Variants in TMEM164 observed in about 807,000 individuals in gnomAD.
The protein encoded by TMEM164 is RP13-360B22.2.
Under a neutral mutation model 18.8 loss-of-function variants are expected in TMEM164, and 4 were observed. The ratio of observed to expected loss-of-function variants is 0.21; its 90% CI spans 0.10 to 0.49. TMEM164 has a LOEUF of 0.49. Among genes scored for constraint, TMEM164 ranks in the 20% least tolerant of loss-of-function variants. The pLI is 0.98. For missense variants in TMEM164, 108 were observed against 239.9 expected (o/e 0.45, Z 3.63); for synonymous variants, 86 against 101.7 (o/e 0.85, Z 0.93).
intron 2 of TMEM164, among the ~76,000 whole-genome samples, chrX:110,033,513 G>A (rs1934614757): frequency 8.9e-6 from 1 of 112,025 alleles, no homozygotes; most frequent in African/African-American, 3.3e-5. Context: ...CTGGTTATTT[G>A]TAGTTCCCCT....
intron 2 of TMEM164, among the ~76,000 whole-genome samples, chrX:110,019,624 T>C (rs1461719538): frequency 1.8e-5 from 2 of 112,238 alleles, no homozygotes; most frequent in Non-Finnish European, 3.8e-5. Flanking sequence ...AACACATAGA[T>C]GCATACACTT....
At chrX:110,091,955 T>G (rs934868818) in intron 3 of TMEM164, among the ~76,000 whole-genome samples, 3 of 112,358 alleles carry the variant, frequency 2.7e-5, no homozygotes, top group African/African-American at 9.7e-5. Context: ...GCACCATTTA[T>G]TAAATAGGTA....
chrX:110,019,200 G>A (rs1187445935), intron 2 of TMEM164, among the ~76,000 whole-genome samples: 3 of 111,265 alleles, frequency 2.7e-5, no homozygotes, highest in African/African-American at 6.5e-5. Flanking sequence ...TGTTCCTTCA[G>A]TACTCTTATC....
chrX:110,055,375 A>G (rs1569309271), intron 2 of TMEM164: 1 of 367,319 alleles, frequency 2.7e-6, no homozygotes, highest in Non-Finnish European at 5.5e-6. Context: ...TGCCATTCAC[A>G]TAGACTATAA....
At chrX:110,150,582 A>G (rs890588958) in intron 5 of TMEM164, among the ~76,000 whole-genome samples, 5 of 112,649 alleles carry the variant, frequency 4.4e-5, no homozygotes, top group African/African-American at 1.3e-4. Context: ...CCCTCCATCC[A>G]TATAGTTCCC....
At position 110,153,175 on chromosome X, in the gene TMEM164, C is replaced by T. The variant is rs776317148; in HGVS notation, c.586+8299C>T. On this transcript the variant is annotated intron_variant, in intron 5 of 6. Coordinates refer to ENST00000372068, the MANE Select transcript of TMEM164 (RefSeq NM_032227.4). ...GTAGTTACTTTCTCCAAGAAGCCCT[C>T]TGTAACTATTCTACCCCAGCTCCCG... is the stretch of plus-strand genomic sequence containing the variant. Among the ~76,000 whole-genome samples, 3 of 112,098 alleles carry T rather than the reference C, an allele frequency of 2.7e-5. No individual in the cohort carries two copies. The East Asian group carries it at 8.4e-4, about 31-fold the overall frequency.
At chrX:110,107,154 C>A (rs2066216066) in intron 3 of TMEM164, among the ~76,000 whole-genome samples, 1 of 111,871 alleles carries the variant, frequency 8.9e-6, no homozygotes, top group African/African-American at 3.3e-5. Context: ...AACATTCTAA[C>A]CTTCCACCTG....
intron 4 of TMEM164, among the ~76,000 whole-genome samples, chrX:110,135,898 G>A (rs958965184): frequency 5.4e-5 from 6 of 111,415 alleles, no homozygotes; most frequent in Non-Finnish European, 1.1e-4. Context: ...ACATTCTCTC[G>A]TATAACTACA....
chrX:110,015,222 G>A (rs1933280337), intron 2 of TMEM164, among the ~76,000 whole-genome samples: 1 of 111,388 alleles, frequency 9.0e-6, no homozygotes, highest in Non-Finnish European at 1.9e-5. Context: ...GGGGTGTGCT[G>A]TATCCTGCCA....
downstream of TMEM164, among the ~76,000 whole-genome samples, chrX:110,183,210 C>A (rs184386503): frequency 1.8e-5 from 2 of 112,135 alleles, no homozygotes; most frequent in East Asian, 5.6e-4. Context: ...AGAGCACTGC[C>A]GTCAGAACTC....
At chrX:110,170,288 C>T (rs2067213624) in intron 5 of TMEM164, among the ~76,000 whole-genome samples, 1 of 112,545 alleles carries the variant, frequency 8.9e-6, no homozygotes, top group African/African-American at 3.2e-5. Flanking sequence ...TAACAGGTGG[C>T]GCAGACCTCA....
Position 110,169,909 on chromosome X carries a change from G to A in TMEM164, c.587-1511G>A, listed in dbSNP as rs1032992940. On this transcript the variant is annotated intron_variant, in intron 5 of 6. Transcript: ENST00000372068. ...CCCTAGTGTCTCTTAGGCCCTGGTC[G>A]CACCCCTGCTTCCAATTATCTGCCT... Among the ~76,000 whole-genome samples the A allele has an allele frequency of 1.8e-4, 20 of 110,879 alleles. 1 individual carries two copies. Among genetic ancestry groups the A allele is most frequent in the Admixed American group, 2.9e-4 (3 of 10,488 alleles).
intron 3 of TMEM164, among the ~76,000 whole-genome samples, chrX:110,100,169 A>G (rs555945900): frequency 4.5e-5 from 5 of 110,659 alleles, no homozygotes; most frequent in African/African-American, 1.6e-4. Flanking sequence ...TTCGATCTCT[A>G]TTATTTTTGT....
At chrX:110,115,983 G>A (rs769099670) in intron 4 of TMEM164, among the ~76,000 whole-genome samples, 1 of 111,195 alleles carries the variant, frequency 9.0e-6, no homozygotes, top group African/African-American at 3.3e-5. Context: ...AGCTACTTGA[G>A]ACTCAAGGCT....
chrX:110,026,433 A>T (rs1444328085), intron 2 of TMEM164, among the ~76,000 whole-genome samples: 1 of 111,213 alleles, frequency 9.0e-6, no homozygotes, highest in Non-Finnish European at 1.9e-5. Context: ...CCTTCGGGAA[A>T]ACATGGGTAG....
intron 4 of TMEM164, among the ~76,000 whole-genome samples, chrX:110,132,590 G>GTAT (rs1020503541): frequency 9.0e-6 from 1 of 111,535 alleles, no homozygotes; most frequent in African/African-American, 3.3e-5. Context: ...CATAAAAAGG[G>GTAT]TATTATGTTT....
chrX:110,078,355 T>C (rs994223524), intron 3 of TMEM164, among the ~76,000 whole-genome samples: 2 of 111,590 alleles, frequency 1.8e-5, no homozygotes, highest in Non-Finnish European at 3.8e-5. Context: ...CTTTTAACTC[T>C]TGGATCATTT....
chrX:110,158,074 A>G (rs2067042498), intron 5 of TMEM164, among the ~76,000 whole-genome samples: 1 of 111,224 alleles, frequency 9.0e-6, no homozygotes, highest in South Asian at 3.7e-4. Flanking sequence ...TTTAGTAGAG[A>G]TGGGGTTTCA....
chrX:110,059,467 A>G (rs1364930824), intron 2 of TMEM164, among the ~76,000 whole-genome samples: 1 of 111,345 alleles, frequency 9.0e-6, no homozygotes, highest in Non-Finnish European at 1.9e-5. Context: ...GCATTTCCAT[A>G]TGAATTTTAA....
Sources: gnomAD v4.1 joint callset for allele counts (sites outside exome capture counted in the v4.1 genomes callset) on GRCh38, gnomAD v4.1.1 for gene constraint, MANE v1.5 for transcripts, NCBI Gene and HGNC (gene_info 2026-07-23, HGNC 2026-07-21) for gene names.